The following COPZ2 variants were observed in gnomAD, a reference collection of about 807,000 sequenced individuals.
The protein encoded by COPZ2 is coat protein complex I subunit zeta 2, also known as coatomer subunit zeta-2.
In COPZ2, 30 loss-of-function variants were observed where a neutral mutation model predicts 33.2. That is an observed-to-expected ratio of 0.90 (90% CI 0.68 to 1.23). COPZ2 has a LOEUF of 1.23. COPZ2 is among the 50% of genes most tolerant of loss of function. COPZ2 has a pLI of 0.00. For missense variants in COPZ2, 263 were observed against 262.4 expected, an observed-to-expected ratio of 1.00 and a Z score of -0.02; for synonymous variants, 89 against 102.6, an observed-to-expected ratio of 0.87 and a Z score of 0.80.
chr17:48,034,964 C>T (rs1424499963), intron 2 of COPZ2, among the ~76,000 whole-genome samples: 4 of 151,974 alleles, frequency 2.6e-5, no homozygotes, highest in Non-Finnish European at 5.9e-5. Context: ...TCAGCGTGGG[C>T]AGCAGAGGGA....
rs1360640513 is a variant in COPZ2 at position 48,028,395 on chromosome 17, C to G, written c.585+77G>C. 6 of 1,429,114 alleles carry G rather than the reference C, an allele frequency of 4.2e-6. No individual in the cohort carries two copies. The highest frequency in any genetic ancestry group is 2.8e-5 in the African/African-American group (2 of 70,568). 88.5% of individuals were successfully genotyped at this position (1,429,114 alleles called of 1,614,324 possible). A position where few individuals can be genotyped will look rare whatever the true frequency, so the allele number is the denominator to read the frequency against. ...GACTTGATAACTTCACTGGGTCCCC[C>G]TAGGATGCTCTAGGATGCTCTGCTC... On this transcript the variant is annotated intron_variant, in intron 8 of 8. Coordinates refer to ENST00000621465, the MANE Select transcript of COPZ2 (RefSeq NM_016429.4). The surrounding 1 kb of genome is among the most constrained non-coding windows in gnomAD (Gnocchi z 4.5).
upstream of COPZ2, among the ~76,000 whole-genome samples, chr17:48,042,466 CT>C (rs927387977): frequency 3.4e-5 from 5 of 145,860 alleles, no homozygotes; most frequent in African/African-American, 1.3e-4. Context: ...CTCTTTACAT[CT>C]TTTCTTTTTT....
At chr17:48,029,336 C>A (rs1402356836) in intron 6 of COPZ2, 160 bp from the exon 7 acceptor site, 1 of 703,480 alleles carries the variant, frequency 1.4e-6, no homozygotes, top group Admixed American at 2.4e-5. Context: ...AACTCTCCCT[C>A]AGCATGGAGA....
At chr17:48,030,872 G>T (rs1272977508) in intron 6 of COPZ2, among the ~76,000 whole-genome samples, 2 of 152,168 alleles carry the variant, frequency 1.3e-5, no homozygotes, top group African/African-American at 4.8e-5. Context: ...CCTTCAAGAG[G>T]GTTCACCAAA....
chr17:48,027,010 C>A (rs563189355), intron 8 of COPZ2, among the ~76,000 whole-genome samples: 7 of 152,238 alleles, frequency 4.6e-5, no homozygotes, highest in African/African-American at 1.7e-4. Flanking sequence ...TAAGTGCACA[C>A]GTGCATGCAC....
chr17:48,031,986 T>A, intron 6 of COPZ2, 170 bp downstream of exon 6: 1 of 627,806 alleles, frequency 1.6e-6, no homozygotes, highest in Middle Eastern at 2.5e-4. Flanking sequence ...TCTATCTTCA[T>A]GAGTGGGGCG....
chr17:48,037,910 T>C (rs2037018796), upstream of COPZ2: 3 of 903,374 alleles, frequency 3.3e-6, no homozygotes, highest in African/African-American at 1.9e-5. The surrounding 1 kb of genome is among the most constrained non-coding windows in gnomAD (Gnocchi z 5.6). Context: ...TTGCTCGTTC[T>C]CCCCCATCTC....
chr17:48,037,156 CAGA>C lies in COPZ2; in HGVS notation c.112-234_112-232del, dbSNP rs908512216. ...GAGTGGGCGCTGTGCCCGTTGGGTG[CAGA>C]AGGTCCTTCCGGGCCCAAGTTCTGT... On this transcript the variant is annotated intron_variant, in intron 1 of 8. Coordinates refer to ENST00000621465, the MANE Select transcript of COPZ2 (RefSeq NM_016429.4). The surrounding 1 kb of genome is among the most constrained non-coding windows in gnomAD (Gnocchi z 5.6). 1.3e-6 allele frequency: 1 copy of C among 756,320 alleles called. No homozygotes were observed. The highest frequency in any genetic ancestry group is 1.7e-5 in the African/African-American group (1 of 58,744). The allele number at this position is 756,320 out of a possible 1,614,324, so 46.9% of individuals were successfully genotyped here. A position where few individuals can be genotyped will look rare whatever the true frequency, so the allele number is the denominator to read the frequency against.
chr17:48,036,717 G>A (rs2036988366), intron 2 of COPZ2, 134 bp downstream of exon 2: 1 of 712,286 alleles, frequency 1.4e-6, no homozygotes, highest in Non-Finnish European at 2.4e-6. Flanking sequence ...GACAAGGCAG[G>A]AGGATGAGAA....
At position 48,037,219 on chromosome 17, in the gene COPZ2, GT is replaced by G. The variant is rs2037000746; in HGVS notation, c.112-295del. 1 of 643,134 alleles carries G rather than the reference GT, an allele frequency of 1.6e-6. No homozygotes were observed. The highest frequency in any genetic ancestry group is 3.0e-6 in the Non-Finnish European group (1 of 336,820). The allele number at this position is 643,134 out of a possible 1,614,324, so 39.8% of individuals were successfully genotyped here. ...ACTGCTCCAGAGCCCGAGTCGGAGT[GT>G]ATCACAGAACCTGGGCCGGGGGGGA... On this transcript the variant is annotated intron_variant, in intron 1 of 8. Transcript: ENST00000621465. This position sits in a 1 kb window ranked among gnomAD's most constrained non-coding sequence, Gnocchi z 5.6.
chr17:48,034,002 A>G, intron 2 of COPZ2, 58 bp from the exon 3 acceptor site: 1 of 1,270,160 alleles, frequency 7.9e-7, no homozygotes, highest in Non-Finnish European at 1.1e-6. Context: ...GATCCTCCCT[A>G]GATTGGGGGG....
At chr17:48,034,161 T>C (rs1207799646) in intron 2 of COPZ2, among the ~76,000 whole-genome samples, 1 of 152,192 alleles carries the variant, frequency 6.6e-6, no homozygotes, top group Non-Finnish European at 1.5e-5. Context: ...CAGGCTGGAG[T>C]GCAGTGGCAC....
upstream of COPZ2, among the ~76,000 whole-genome samples, chr17:48,038,349 A>T (rs1238826348): frequency 1.3e-5 from 2 of 152,186 alleles, no homozygotes; most frequent in African/African-American, 4.8e-5. Context: ...TAAGTCACAG[A>T]TATGGCACCA....
chr17:48,042,067 A>G (rs1277183673), upstream of COPZ2, among the ~76,000 whole-genome samples: 1 of 152,148 alleles, frequency 6.6e-6, no homozygotes, highest in East Asian at 1.9e-4. Context: ...AGGCTGGGGA[A>G]GGAAGCTTAG....
At chr17:48,045,143 A>T in the COPZ2 span, 2 of 151,968 alleles carry the variant, frequency 1.3e-5, no homozygotes, top group Non-Finnish European at 2.9e-5. Context: ...TTTTTTTTGT[A>T]GAGATGGGTT....
At chr17:48,040,018 AG>A (rs910478981), upstream of COPZ2, among the ~76,000 whole-genome samples, 8 of 152,034 alleles carry the variant, frequency 5.3e-5, no homozygotes, top group Non-Finnish European at 1.0e-4. Flanking sequence ...GCTACTCGGG[AG>A]GCTGAGGCAG....
chr17:48,042,300 ATTTTT>A (rs1232991611), upstream of COPZ2, among the ~76,000 whole-genome samples: 1 of 151,386 alleles, frequency 6.6e-6, no homozygotes, highest in Non-Finnish European at 1.5e-5. Flanking sequence ...CACCCAGCTA[ATTTTT>A]TTTATTTTTA....
chr17:48,036,342 T>A (rs1405949000), intron 2 of COPZ2, among the ~76,000 whole-genome samples: 1 of 152,220 alleles, frequency 6.6e-6, no homozygotes, highest in Non-Finnish European at 1.5e-5. Context: ...ACTTGTGACC[T>A]CAGGCAACTC....
At chr17:48,038,641 GA>G (rs2037029277), upstream of COPZ2, among the ~76,000 whole-genome samples, 1 of 152,202 alleles carries the variant, frequency 6.6e-6, no homozygotes, top group Non-Finnish European at 1.5e-5. Context: ...TTTAAGCAAA[GA>G]GAGACTCAGA....
Sources: allele counts gnomAD v4.1 joint callset (sites outside exome capture counted in the v4.1 genomes callset), GRCh38; gene constraint gnomAD v4.1.1; non-coding constraint Gnocchi (gnomAD v3.1); transcripts MANE v1.5; gene names NCBI Gene and HGNC (gene_info 2026-07-23, HGNC 2026-07-21).